The following DYNC2H1 variants were observed in gnomAD, a reference collection of about 807,000 sequenced individuals.
DYNC2H1 encodes dynein cytoplasmic 2 heavy chain 1.
Under a neutral mutation model 570.0 loss-of-function variants are expected in DYNC2H1, and 410 were observed. The observed-to-expected ratio is 0.72, with a 90% confidence interval of 0.66 to 0.78. The LOEUF is 0.78. Among genes scored for constraint, DYNC2H1 ranks in the 30% least tolerant of loss-of-function variants. The pLI is 0.00. For synonymous variants in DYNC2H1, 1,688 were observed against 1,677.6 expected, an observed-to-expected ratio of 1.01 and a Z score of -0.15; for missense variants, 4,865 against 5,046.4, an observed-to-expected ratio of 0.96 and a Z score of 1.09.
At chr11:103,194,047 G>T (rs927522499) in intron 47 of DYNC2H1, among the ~76,000 whole-genome samples, 1 of 152,246 alleles carries the variant, frequency 6.6e-6, no homozygotes, top group African/African-American at 2.4e-5. Flanking sequence ...GATAACTATT[G>T]CTAGTGTGGT....
In DYNC2H1 at chr11:103,133,792, G is replaced by A; in HGVS notation, c.2106+85G>A. On this transcript the variant is annotated intron_variant, in intron 14 of 88. Coordinates refer to ENST00000375735, the MANE Select transcript of DYNC2H1 (RefSeq NM_001377.3). The surrounding 1 kb of genome is among the most constrained non-coding windows in gnomAD (Gnocchi z 4.8). ...GATACAATTTTTAAAAACTTATTTT[G>A]AAATAATTTGAGACTTAAAGTTACA... is the stretch of plus-strand genomic sequence containing the variant. The A allele has an allele frequency of 7.4e-7, 1 of 1,353,570 alleles. No individual in the cohort carries two copies. The highest frequency in any genetic ancestry group is 1.5e-5 in the South Asian group (1 of 65,106). 83.8% of individuals were successfully genotyped at this position (1,353,570 alleles called of 1,614,324 possible).
intron 88 of DYNC2H1, among the ~76,000 whole-genome samples, chr11:103,478,133 A>G (rs750111900): frequency 5.9e-5 from 9 of 152,166 alleles, no homozygotes; most frequent in Non-Finnish European, 1.3e-4. Flanking sequence ...AGCACATCAT[A>G]TATGTTTAAA....
chr11:103,392,016 T>A (rs775243569), intron 83 of DYNC2H1, among the ~76,000 whole-genome samples: 24 of 152,214 alleles, frequency 1.6e-4, no homozygotes, highest in Non-Finnish European at 2.2e-4. Flanking sequence ...CACTACTCTC[T>A]TCAAAGCTGT....
intron 11 of DYNC2H1, among the ~76,000 whole-genome samples, 179 bp downstream of exon 11, chr11:103,123,179 T>C (rs1338356069): frequency 6.6e-6 from 1 of 152,190 alleles, no homozygotes. Context: ...CTTTGATGAT[T>C]TAGTTAACTG....
At position 103,214,443 on chromosome 11, in the gene DYNC2H1, C is replaced by CTTTTT. The variant is rs1555071078; in HGVS notation, c.8695-1276_8695-1275insTTTTT. Among the ~76,000 whole-genome samples, 5 of 51,972 alleles carry CTTTTT rather than the reference C, an allele frequency of 9.6e-5. 1 individual carries two copies. Among genetic ancestry groups the CTTTTT allele is most frequent in the Non-Finnish European group, 1.0e-4 (3 of 28,686 alleles). The allele number at this position is 51,972 out of a possible 152,430, so 34.1% of individuals were successfully genotyped here. Reference sequence around the variant, plus strand: ...CATTTTAACAATACTAGTACTTCTTCTTCTTTTTTTTTTTTTTTTGAGTAG... The same window carrying CTTTTT: ...CATTTTAACAATACTAGTACTTCTTCTTTTTTTCTTTTTTTTTTTTTTTTGAGTAG... On this transcript the variant is annotated intron_variant, in intron 54 of 88. Coordinates refer to ENST00000375735, the MANE Select transcript of DYNC2H1 (RefSeq NM_001377.3).
chr11:103,199,981 A>T lies in DYNC2H1; in HGVS notation c.8089-65A>T, dbSNP rs2135081787. The T allele has an allele frequency of 2.9e-6, 3 of 1,037,406 alleles. No homozygotes were observed. Among genetic ancestry groups the T allele is most frequent in the Admixed American group, 4.3e-5 (2 of 46,964 alleles). The allele number at this position is 1,037,406 out of a possible 1,614,324, so 64.3% of individuals were successfully genotyped here. A position where few individuals can be genotyped will look rare whatever the true frequency, so the allele number is the denominator to read the frequency against. On this transcript the variant is annotated intron_variant, in intron 49 of 88. Coordinates refer to ENST00000375735, the MANE Select transcript of DYNC2H1 (RefSeq NM_001377.3). This position sits in a 1 kb window ranked among gnomAD's most constrained non-coding sequence, Gnocchi z 4.6. Reference sequence around the variant, plus strand: ...GGCATACTTTACATACAAATACAAAATGTTAATTTTTAACTGTACCAAAAA... The same window carrying T: ...GGCATACTTTACATACAAATACAAATTGTTAATTTTTAACTGTACCAAAAA...
At position 103,117,698 on chromosome 11, in the gene DYNC2H1, T is replaced by G; in HGVS notation, c.834T>G (p.Tyr278Ter). Residue 278 changes from tyrosine (Y) to a stop codon, truncating the protein, a stop_gained, in exon 6 of 89, where the codon TAT (tyrosine) becomes TAG (stop). Transcript: ENST00000375735. LOFTEE classifies it high-confidence loss of function. ...TGAACCTGTGGGAAGATCCTTATTATCTTGTGAAAGAAAGTCTGAAAGCTG... is the reference window on the plus strand; with the variant it reads ...TGAACCTGTGGGAAGATCCTTATTAGCTTGTGAAAGAAAGTCTGAAAGCTG... ...GTLNLWEDPY[Y>*]LVKESLKAGI... The G allele has an allele frequency of 6.2e-7, 1 of 1,612,700 alleles. No individual in the cohort carries two copies. Among genetic ancestry groups the G allele is most frequent in the Non-Finnish European group, 8.5e-7 (1 of 1,179,058 alleles).
Position 103,253,270 on chromosome 11 carries a change from G to T in DYNC2H1, c.10043-15G>T, listed in dbSNP as rs648387. The T allele has an allele frequency of 0.38, 601,598 of 1,571,088 alleles. 117,798 individuals carry two copies. Among genetic ancestry groups the T allele is most frequent in the East Asian group, 0.49 (21,642 of 44,316 alleles). On this transcript the variant is annotated splice_polypyrimidine_tract_variant and intron_variant, in intron 65 of 88. Transcript: ENST00000375735. ...GAAGATTCAGACCAACCAATTGTGT[G>T]TTTTTTTTAAATAGGACCACGTTAT...
intron 70 of DYNC2H1, among the ~76,000 whole-genome samples, chr11:103,274,134 G>GTA (rs144998755): frequency 0.015 from 2,215 of 149,702 alleles, 20 homozygotes; most frequent in Non-Finnish European, 0.025. Flanking sequence ...GTGTGTGTGT[G>GTA]TATATATATA....
intron 83 of DYNC2H1, among the ~76,000 whole-genome samples, chr11:103,371,530 G>A (rs919660524): frequency 1.3e-5 from 2 of 152,016 alleles, no homozygotes; most frequent in African/African-American, 4.8e-5. Context: ...AAAGATCAAG[G>A]AAAAAGAAAG....
At chr11:103,302,240 A>G (rs1867079752) in intron 75 of DYNC2H1, among the ~76,000 whole-genome samples, 1 of 152,078 alleles carries the variant, frequency 6.6e-6, no homozygotes, top group South Asian at 2.1e-4. Flanking sequence ...TTTGAGTATT[A>G]GTTTTCTTAC....
At chr11:103,474,402 A>G (rs1008843945) in intron 88 of DYNC2H1, among the ~76,000 whole-genome samples, 2 of 152,212 alleles carry the variant, frequency 1.3e-5, no homozygotes, top group African/African-American at 4.8e-5. Context: ...GACTGTGCAT[A>G]GACTGATGAA....
intron 61 of DYNC2H1, among the ~76,000 whole-genome samples, chr11:103,234,711 A>G (rs748805820): frequency 1.3e-5 from 2 of 151,852 alleles, no homozygotes; most frequent in Non-Finnish European, 1.5e-5. Context: ...TCATAATATC[A>G]CCTACACCTT....
intron 13 of DYNC2H1, among the ~76,000 whole-genome samples, chr11:103,131,632 A>G (rs1859278462): frequency 6.6e-6 from 1 of 151,968 alleles, no homozygotes; most frequent in Non-Finnish European, 1.5e-5. Flanking sequence ...AAATTTGCTT[A>G]TCTTTCCTTT....
At chr11:103,416,379 A>T (rs908423417) in intron 84 of DYNC2H1, among the ~76,000 whole-genome samples, 1 of 152,208 alleles carries the variant, frequency 6.6e-6, no homozygotes, top group African/African-American at 2.4e-5. Flanking sequence ...TAGCCAAGAC[A>T]ATCCTAAGCA....
chr11:103,165,822 G>C (rs1185252282), intron 30 of DYNC2H1, 76 bp from the exon 31 acceptor site: 1 of 1,226,548 alleles, frequency 8.2e-7, no homozygotes, highest in Non-Finnish European at 1.1e-6. Flanking sequence ...TTGAAAAAAG[G>C]TGCCTTTCTT....
At chr11:103,301,444 TA>T (rs1190207928) in intron 75 of DYNC2H1, among the ~76,000 whole-genome samples, 7 of 151,998 alleles carry the variant, frequency 4.6e-5, no homozygotes, top group Non-Finnish European at 1.0e-4. Flanking sequence ...AGTTAATGAA[TA>T]AATAACTGAA....
At chr11:103,452,779 GTA>G (rs1341249426) in intron 85 of DYNC2H1, among the ~76,000 whole-genome samples, 1 of 146,928 alleles carries the variant, frequency 6.8e-6, no homozygotes, top group African/African-American at 2.5e-5. Context: ...AGTTATTTTT[GTA>G]TGTCTCATCT....
intron 40 of DYNC2H1, among the ~76,000 whole-genome samples, chr11:103,183,955 A>G (rs961878975): frequency 1.3e-5 from 2 of 151,948 alleles, no homozygotes; most frequent in Non-Finnish European, 2.9e-5. Flanking sequence ...TAAATTCTGC[A>G]CTCTGGCCCT....
Sources: allele counts gnomAD v4.1 joint callset (sites outside exome capture counted in the v4.1 genomes callset), GRCh38; gene constraint gnomAD v4.1.1; non-coding constraint Gnocchi (gnomAD v3.1); transcripts MANE v1.5; gene names NCBI Gene and HGNC (gene_info 2026-07-23, HGNC 2026-07-21).